The following CCDC198 variants were observed in gnomAD, a reference collection of about 807,000 sequenced individuals.
The protein encoded by CCDC198 is factor associated with metabolism and energy.
A neutral mutation model predicts 35.6 loss-of-function variants in CCDC198; 18 were observed. The ratio of observed to expected loss-of-function variants is 0.51; its 90% CI spans 0.35 to 0.75. CCDC198 has a LOEUF of 0.75. CCDC198 is among the 30% of genes least tolerant of loss of function. The probability of loss-of-function intolerance (pLI) is 0.01; values close to 1 mark genes in which losing one functional copy is unlikely to be tolerated. For synonymous variants in CCDC198, 119 were observed against 113.4 expected (o/e 1.05, Z -0.31); for missense variants, 365 against 343.7 (o/e 1.06, Z -0.49).
At chr14:57,490,713 C>T (rs957880920) in intron 2 of CCDC198, among the ~76,000 whole-genome samples, 5 of 152,176 alleles carry the variant, frequency 3.3e-5, no homozygotes, top group Non-Finnish European at 5.9e-5. Context: ...CCCATAGTCA[C>T]CCAACTAATC....
At chr14:57,474,246 CA>C (rs2066903275) in intron 5 of CCDC198, among the ~76,000 whole-genome samples, 1 of 152,138 alleles carries the variant, frequency 6.6e-6, no homozygotes, top group Non-Finnish European at 1.5e-5. Context: ...AATGAGCAAT[CA>C]GAGAATTTTG....
chr14:57,475,305 A>G (rs2066946035), intron 5 of CCDC198: 1 of 822,000 alleles, frequency 1.2e-6, no homozygotes, highest in Non-Finnish European at 1.5e-6. Context: ...AATAAAATCT[A>G]TAAAAAAATA....
chr14:57,493,429 A>G lies in CCDC198; in HGVS notation c.223+64T>C, dbSNP rs988712898. 6 of 1,356,312 alleles carry G rather than the reference A, an allele frequency of 4.4e-6. No individual in the cohort carries two copies. The African/African-American group carries it at 7.2e-5, about 16-fold the overall frequency. The allele number at this position is 1,356,312 out of a possible 1,614,324, so 84.0% of individuals were successfully genotyped here. On this transcript the variant is annotated intron_variant, in intron 1 of 5. Transcript: ENST00000216445. ...TTTCTGAGATCATGGAGACAGTCAG[A>G]TAAACCTATTAATAATGCTCCTTGG...
intron 5 of CCDC198, among the ~76,000 whole-genome samples, chr14:57,474,521 A>T (rs2066910957): frequency 6.6e-6 from 1 of 152,214 alleles, no homozygotes; most frequent in Non-Finnish European, 1.5e-5. Flanking sequence ...TTCAGGTCTA[A>T]TGTTAGTGTA....
intron 5 of CCDC198, chr14:57,478,862 A>G: frequency 8.7e-7 from 1 of 1,151,594 alleles, no homozygotes; most frequent in Non-Finnish European, 1.1e-6. Flanking sequence ...TGTCTCTTTC[A>G]GCAGGCAATT....
intron 1 of CCDC198, among the ~76,000 whole-genome samples, chr14:57,491,940 C>T (rs1288844187): frequency 6.6e-6 from 1 of 152,050 alleles, no homozygotes; most frequent in African/African-American, 2.4e-5. Context: ...TTTGTTCTCT[C>T]TAACTTTTAG....
chr14:57,474,699 G>T (rs1267629672), intron 5 of CCDC198, among the ~76,000 whole-genome samples: 3 of 152,018 alleles, frequency 2.0e-5, no homozygotes, highest in Non-Finnish European at 4.4e-5. Flanking sequence ...ATTCTCTGTG[G>T]TTTATAGACT....
chr14:57,484,621 G>T (rs2067296092), intron 2 of CCDC198, among the ~76,000 whole-genome samples: 1 of 152,230 alleles, frequency 6.6e-6, no homozygotes, highest in African/African-American at 2.4e-5. Flanking sequence ...TAGCCCTGAG[G>T]TGGGGAGTGA....
chr14:57,482,930 A>G (rs1303297060), intron 3 of CCDC198, 135 bp downstream of exon 3: 14 of 1,233,176 alleles, frequency 1.1e-5, no homozygotes, highest in Non-Finnish European at 8.0e-6. Flanking sequence ...CTCACTCTGA[A>G]TGACTTAACA....
At chr14:57,478,906 T>C (rs1210677586) in intron 5 of CCDC198, 1 of 1,250,870 alleles carries the variant, frequency 8.0e-7, no homozygotes, top group Non-Finnish European at 1.0e-6. Context: ...TCCAGAGACA[T>C]AGCCAGCTTT....
intron 5 of CCDC198, among the ~76,000 whole-genome samples, chr14:57,476,507 T>G (rs2067002619): frequency 6.6e-6 from 1 of 152,204 alleles, no homozygotes; most frequent in Non-Finnish European, 1.5e-5. Context: ...TCTCATAGAC[T>G]TGTACACCAA....
rs2067096522 is a variant in CCDC198 at position 57,479,006 on chromosome 14, A to T, written c.655+1589T>A. On this transcript the variant is annotated intron_variant, in intron 5 of 5. Transcript: ENST00000216445. Reference sequence around the variant, plus strand: ...TCTGTGTGTGTGAACAATATTGGAAATTTCAACTGTGGGTTTGCCCTGGGG... The same window carrying T: ...TCTGTGTGTGTGAACAATATTGGAATTTTCAACTGTGGGTTTGCCCTGGGG... The T allele has an allele frequency of 2.3e-6, 3 of 1,289,188 alleles. No individual in the cohort carries two copies. In the African/African-American group the frequency reaches 4.6e-5, roughly 20 times the overall value. The allele number at this position is 1,289,188 out of a possible 1,614,324, so 79.9% of individuals were successfully genotyped here. A position where few individuals can be genotyped will look rare whatever the true frequency, so the allele number is the denominator to read the frequency against.
At chr14:57,478,660 GGTT>G in intron 5 of CCDC198, 1 of 993,800 alleles carries the variant, frequency 1.0e-6, no homozygotes, top group Middle Eastern at 5.2e-4. Context: ...TTTTTTTCTT[GGTT>G]GTTTTGTGTA....
chr14:57,471,599 A>G lies in CCDC198; in HGVS notation c.656-9T>C. 6.7e-7 allele frequency: 1 copy of G among 1,488,938 alleles called. No homozygotes were observed. Among genetic ancestry groups the G allele is most frequent in the Non-Finnish European group, 9.1e-7 (1 of 1,094,038 alleles). The allele number at this position is 1,488,938 out of a possible 1,614,324, so 92.2% of individuals were successfully genotyped here. A position where few individuals can be genotyped will look rare whatever the true frequency, so the allele number is the denominator to read the frequency against. ...TGTATTCTTTGAATTTCCTACAAAA[A>G]AATTAAGTTTCTTTAATTTTTTCCC... is the stretch of plus-strand genomic sequence containing the variant. On this transcript the variant is annotated splice_polypyrimidine_tract_variant and intron_variant, in intron 5 of 5. Coordinates refer to ENST00000216445, the MANE Select transcript of CCDC198 (RefSeq NM_018168.4).
In CCDC198 at chr14:57,471,319, C is replaced by T. The variant is rs750811218; in HGVS notation, c.*36G>A. On this transcript the variant is annotated 3_prime_UTR_variant, in exon 6 of 6. Coordinates refer to ENST00000216445, the MANE Select transcript of CCDC198 (RefSeq NM_018168.4). ...AGATTTTGAGAGTAAAACAAGCTTT[C>T]AAAGCACTCAGTTTCTAGGTTAATG... 4 of 1,502,648 alleles carry T rather than the reference C, an allele frequency of 2.7e-6. No individual in the cohort carries two copies. In the South Asian group the frequency reaches 3.5e-5, roughly 13 times the overall value. 93.1% of individuals were successfully genotyped at this position (1,502,648 alleles called of 1,614,324 possible).
intron 5 of CCDC198, chr14:57,478,915 T>C: frequency 4.0e-6 from 5 of 1,257,016 alleles, no homozygotes; most frequent in Non-Finnish European, 5.2e-6. Context: ...ATAGCCAGCT[T>C]TTCTGCAGCT....
rs549601548 is a variant in CCDC198, at chr14:57,469,910, T to C, written c.*1445A>G. The C allele has an allele frequency of 6.6e-6, 1 of 152,356 alleles. No homozygotes were observed. Among genetic ancestry groups the C allele is most frequent in the Admixed American group, 6.5e-5 (1 of 15,302 alleles). The allele number at this position is 152,356 out of a possible 1,614,324, so 9.4% of individuals were successfully genotyped here. ...CCCATATAAGGCACAAAAGGGTCTTTTTGTTTTGCTTTGTTTTAAAGCTTT... is the reference window on the plus strand; with the variant it reads ...CCCATATAAGGCACAAAAGGGTCTTCTTGTTTTGCTTTGTTTTAAAGCTTT... On this transcript the variant is annotated 3_prime_UTR_variant, in exon 6 of 6. Coordinates refer to ENST00000216445, the MANE Select transcript of CCDC198 (RefSeq NM_018168.4).
At chr14:57,489,667 T>C (rs1360739518) in intron 2 of CCDC198, among the ~76,000 whole-genome samples, 1 of 152,106 alleles carries the variant, frequency 6.6e-6, no homozygotes, top group African/African-American at 2.4e-5. Context: ...AATGTTCTCT[T>C]TTTGACCTTG....
chr14:57,481,708 T>C lies in CCDC198; in HGVS notation c.394-48A>G, dbSNP rs956184527. The stretch of plus-strand genomic sequence containing the variant: ...TAGTATGGGGTAATTTGTTACTGAC[T>C]CTGCAATTCACAAGTTTAGATCCTT... On this transcript the variant is annotated intron_variant, in intron 3 of 5. Transcript: ENST00000216445. 29 of 1,176,424 alleles carry C rather than the reference T, an allele frequency of 2.5e-5. 1 individual carries two copies. In the Admixed American group the frequency reaches 4.0e-4, roughly 16 times the overall value. 72.9% of individuals were successfully genotyped at this position (1,176,424 alleles called of 1,614,324 possible).
Sources: gnomAD v4.1 joint callset for allele counts (sites outside exome capture counted in the v4.1 genomes callset) on GRCh38, gnomAD v4.1.1 for gene constraint, MANE v1.5 for transcripts, NCBI Gene and HGNC (gene_info 2026-07-23, HGNC 2026-07-21) for gene names.